The following DLGAP2 variants were observed in gnomAD, a reference collection of about 807,000 sequenced individuals.
DLGAP2 encodes the protein DLG associated protein 2, also known as disks large-associated protein 2.
DLGAP2 carries 26 observed loss-of-function variants against 100.3 expected under a neutral mutation model. The observed-to-expected ratio is 0.26, with a 90% CI of 0.19 to 0.36. The LOEUF (loss-of-function observed/expected upper bound fraction) is 0.36. DLGAP2 is among the 10% of genes least tolerant of loss of function. The pLI is 1.00. For missense variants in DLGAP2, 1,858 were observed against 1,453.2 expected (o/e 1.28, Z -4.53); for synonymous variants, 886 against 630.1 (o/e 1.41, Z -6.08).
chr8:1,543,815 G>A (rs890022438), intron 4 of DLGAP2, among the ~76,000 whole-genome samples: 1 of 152,132 alleles, frequency 6.6e-6, no homozygotes, highest in African/African-American at 2.4e-5. Flanking sequence ...ATGAACATAG[G>A]ATGTCTTTTC....
rs1046677831 is a variant in DLGAP2, at chr8:1,448,230, G to A, written c.107-53136G>A. 4.9e-4 allele frequency among the ~76,000 whole-genome samples: 75 copies of A among 152,058 alleles called. 1 individual carries two copies. Among genetic ancestry groups the A allele is most frequent in the South Asian group, 2.1e-4 (1 of 4,800 alleles). On this transcript the variant is annotated intron_variant, in intron 3 of 14. Coordinates refer to ENST00000637795, the MANE Select transcript of DLGAP2 (RefSeq NM_001346810.2). ...CTTTCTTTTGTGGGCATTTAGTGCGGTAAATTTCCCTCTACACACTGCTTT... is the reference window on the plus strand; with the variant it reads ...CTTTCTTTTGTGGGCATTTAGTGCGATAAATTTCCCTCTACACACTGCTTT...
intron 3 of DLGAP2, among the ~76,000 whole-genome samples, chr8:1,323,183 C>A (rs531670774): frequency 6.6e-6 from 1 of 152,140 alleles, no homozygotes; most frequent in East Asian, 1.9e-4. Context: ...GCACCAGCCT[C>A]CACGCCCGGC....
intron 2 of DLGAP2, among the ~76,000 whole-genome samples, chr8:1,211,765 C>T (rs922147305): frequency 6.6e-6 from 1 of 152,226 alleles, no homozygotes; most frequent in Admixed American, 6.5e-5. Context: ...ATCCCAGCTA[C>T]TCAGGAGGCT....
At position 1,324,917 on chromosome 8, in the gene DLGAP2, C is replaced by T. The variant is rs117156969; in HGVS notation, c.106+66034C>T. Among the ~76,000 whole-genome samples the T allele has an allele frequency of 5.6e-3, 855 of 152,320 alleles. 4 individuals are homozygous for T. Among genetic ancestry groups the T allele is most frequent in the Non-Finnish European group, 0.01 (700 of 68,034 alleles). On this transcript the variant is annotated intron_variant, in intron 3 of 14. Coordinates refer to ENST00000637795, the MANE Select transcript of DLGAP2 (RefSeq NM_001346810.2). ...ACTCCACAAGCCTCGTCTTCCAGAT[C>T]GTGCTGACCTGCTTGGCTCAGCCTT...
At chr8:1,522,474 C>G (rs753890915) in intron 4 of DLGAP2, among the ~76,000 whole-genome samples, 3 of 152,190 alleles carry the variant, frequency 2.0e-5, no homozygotes, top group Non-Finnish European at 4.4e-5. Flanking sequence ...CAAGGCCAGT[C>G]AGAGCCTCAC....
intron 2 of DLGAP2, among the ~76,000 whole-genome samples, chr8:961,133 C>T (rs1353287371): frequency 1.3e-5 from 2 of 152,210 alleles, no homozygotes; most frequent in African/African-American, 2.4e-5. Flanking sequence ...GATCTGTGCA[C>T]ATAGATGCAT....
At chr8:1,209,834 G>T (rs1028859622) in intron 2 of DLGAP2, among the ~76,000 whole-genome samples, 1 of 152,082 alleles carries the variant, frequency 6.6e-6, no homozygotes, top group Non-Finnish European at 1.5e-5. Flanking sequence ...GAGATATTAG[G>T]ACTCTTCCAC....
At chr8:1,415,295 G>C (rs1411488919) in intron 3 of DLGAP2, among the ~76,000 whole-genome samples, 2 of 152,160 alleles carry the variant, frequency 1.3e-5, no homozygotes, top group East Asian at 3.8e-4. Flanking sequence ...GCGTCTTTCT[G>C]ATTTAAAGGC....
chr8:1,121,246 C>T (rs1796038442), intron 2 of DLGAP2, among the ~76,000 whole-genome samples: 1 of 151,562 alleles, frequency 6.6e-6, no homozygotes. Context: ...CATGAACACC[C>T]ATCCTCGTCC....
chr8:1,213,100 A>G (rs1290321673), intron 2 of DLGAP2, among the ~76,000 whole-genome samples: 2 of 152,128 alleles, frequency 1.3e-5, no homozygotes, highest in Admixed American at 6.6e-5. Context: ...CACTGTCTCA[A>G]AGATCTCCAG....
chr8:985,935 C>A (rs926235709), intron 2 of DLGAP2, among the ~76,000 whole-genome samples: 1 of 152,066 alleles, frequency 6.6e-6, no homozygotes, highest in Non-Finnish European at 1.5e-5. Flanking sequence ...CCTGAAGATG[C>A]TCTTGGTGGA....
chr8:1,665,968 G>A (rs577189365), intron 8 of DLGAP2, among the ~76,000 whole-genome samples: 12 of 152,290 alleles, frequency 7.9e-5, no homozygotes, highest in Middle Eastern at 3.4e-3. Flanking sequence ...ATAAATCAGC[G>A]CTGTGAAACA....
chr8:789,241 GCTCACGGTTC>G (rs1821958782), intron 1 of DLGAP2, among the ~76,000 whole-genome samples: 1 of 152,178 alleles, frequency 6.6e-6, no homozygotes, highest in South Asian at 2.1e-4. Context: ...GGTTTAATTG[GCTCACGGTTC>G]CTCAGGATTT....
chr8:1,383,243 C>G (rs1357522388), intron 3 of DLGAP2, among the ~76,000 whole-genome samples: 1 of 152,148 alleles, frequency 6.6e-6, no homozygotes, highest in African/African-American at 2.4e-5. Context: ...TACACGCTTT[C>G]TGGAAAGTCA....
chr8:1,541,621 T>C (rs376275836), intron 4 of DLGAP2, among the ~76,000 whole-genome samples: 17 of 152,170 alleles, frequency 1.1e-4, no homozygotes, highest in African/African-American at 3.9e-4. Flanking sequence ...CAGGACCAGA[T>C]CTTGGATCCC....
chr8:1,683,954 G>GTGTGTATATATATATATATA (rs1450063590), intron 12 of DLGAP2, among the ~76,000 whole-genome samples: 1 of 74,754 alleles, frequency 1.3e-5, no homozygotes, highest in East Asian at 4.4e-4. Flanking sequence ...ATATATGTGT[G>GTGTGTATATATATATATATA]TATATATATA....
chr8:1,706,868 T>G lies in DLGAP2; in HGVS notation c.*5462T>G, dbSNP rs1799720042. 1 of 152,212 alleles carries G rather than the reference T, an allele frequency of 6.6e-6. No homozygotes were observed. Among genetic ancestry groups the G allele is most frequent in the African/African-American group, 2.4e-5 (1 of 41,448 alleles). 9.4% of individuals were successfully genotyped at this position (152,212 alleles called of 1,614,324 possible). On this transcript the variant is annotated 3_prime_UTR_variant, in exon 15 of 15. Transcript: ENST00000637795. Reference sequence around the variant, plus strand: ...CGTTTGTAATTTTTCTACTTCGCACTTGAGAGAAGGCAGAGGTGGTCCGTG... The same window carrying G: ...CGTTTGTAATTTTTCTACTTCGCACGTGAGAGAAGGCAGAGGTGGTCCGTG...
At chr8:1,630,265 T>C (rs776042616) in intron 7 of DLGAP2, among the ~76,000 whole-genome samples, 9 of 152,244 alleles carry the variant, frequency 5.9e-5, no homozygotes, top group Non-Finnish European at 1.3e-4. Context: ...TTCCACTAAT[T>C]GATTGTCCAG....
intron 4 of DLGAP2, among the ~76,000 whole-genome samples, chr8:1,531,720 C>G (rs1027848389): frequency 1.3e-5 from 2 of 152,164 alleles, no homozygotes; most frequent in Non-Finnish European, 2.9e-5. Context: ...TTCTGACCAA[C>G]TCGTGTGGTC....
Sources: allele counts gnomAD v4.1 joint callset (sites outside exome capture counted in the v4.1 genomes callset), GRCh38; gene constraint gnomAD v4.1.1; transcripts MANE v1.5; gene names NCBI Gene and HGNC (gene_info 2026-07-23, HGNC 2026-07-21).